UVRAG: variants seen among roughly 807,000 people sequenced by gnomAD.
UVRAG encodes the protein UV radiation resistance-associated gene protein.
In UVRAG, 19 loss-of-function variants were observed where a neutral mutation model predicts 78.0. The observed-to-expected ratio is 0.24, with a 90% CI of 0.17 to 0.36. The LOEUF (loss-of-function observed/expected upper bound fraction) is 0.36. Among genes scored for constraint, UVRAG ranks in the 10% least tolerant of loss-of-function variants. UVRAG has a pLI of 1.00. For missense variants in UVRAG, 740 were observed against 853.8 expected (o/e 0.87, Z 1.66); for synonymous variants, 323 against 324.6 (o/e 1.00, Z 0.05).
At chr11:76,023,582 A>G (rs1409055493) in intron 12 of UVRAG, among the ~76,000 whole-genome samples, 1 of 152,130 alleles carries the variant, frequency 6.6e-6, no homozygotes, top group Non-Finnish European at 1.5e-5. Context: ...GGTAGCCACC[A>G]GACAAGTTAG....
At chr11:75,857,188 A>T (rs1372800388) in intron 2 of UVRAG, among the ~76,000 whole-genome samples, 1 of 152,174 alleles carries the variant, frequency 6.6e-6, no homozygotes, top group Non-Finnish European at 1.5e-5. Flanking sequence ...TGAAAGTCAC[A>T]TCCCTTTATT....
chr11:76,122,572 T>G (rs1350343360), intron 14 of UVRAG, among the ~76,000 whole-genome samples: 1 of 152,236 alleles, frequency 6.6e-6, no homozygotes, highest in Non-Finnish European at 1.5e-5. Context: ...TGAATCGTAG[T>G]TACTGTCTAT....
At chr11:75,966,509 A>G (rs569002290) in intron 7 of UVRAG, among the ~76,000 whole-genome samples, 1 of 152,042 alleles carries the variant, frequency 6.6e-6, no homozygotes, top group Non-Finnish European at 1.5e-5. Context: ...CCTTTTATTC[A>G]CTATAAGAAT....
chr11:76,002,774 G>A (rs868069987), intron 8 of UVRAG, among the ~76,000 whole-genome samples: 1 of 152,054 alleles, frequency 6.6e-6, no homozygotes, highest in South Asian at 2.1e-4. Context: ...GAAGAGAAGG[G>A]TGCTTAAATA....
intron 12 of UVRAG, among the ~76,000 whole-genome samples, chr11:76,041,506 G>T (rs1015232049): frequency 6.6e-6 from 1 of 152,216 alleles, no homozygotes; most frequent in Non-Finnish European, 1.5e-5. Flanking sequence ...CAGAATGGAA[G>T]CACAGACACC....
intron 14 of UVRAG, among the ~76,000 whole-genome samples, chr11:76,131,619 G>A (rs1187902399): frequency 2.6e-5 from 4 of 152,166 alleles, no homozygotes; most frequent in African/African-American, 9.7e-5. Flanking sequence ...AAAGCCCCGG[G>A]GGAAAAGTGA....
At chr11:76,100,423 G>A (rs1951858769) in intron 13 of UVRAG, among the ~76,000 whole-genome samples, 1 of 152,084 alleles carries the variant, frequency 6.6e-6, no homozygotes, top group African/African-American at 2.4e-5. Flanking sequence ...TGAAATTCCA[G>A]AAACTCTCTC....
intron 14 of UVRAG, among the ~76,000 whole-genome samples, chr11:76,129,505 G>A (rs1479680608): frequency 6.6e-6 from 1 of 152,110 alleles, no homozygotes; most frequent in Non-Finnish European, 1.5e-5. Context: ...ATTGCCTCCT[G>A]TACATTTTCA....
Position 76,120,271 on chromosome 11 carries a change from T to C in UVRAG, c.1397+4256T>C, listed in dbSNP as rs141017662. On this transcript the variant is annotated intron_variant, in intron 14 of 14. Coordinates refer to ENST00000356136, the MANE Select transcript of UVRAG (RefSeq NM_003369.4). ...GAATACAAAATTACAAATACAAAAT[T>C]AGAGATGAAAAAGCATTTGGAATGA... 4.1e-3 allele frequency among the ~76,000 whole-genome samples: 629 copies of C among 152,260 alleles called. 6 individuals are homozygous for C. Among genetic ancestry groups the C allele is most frequent in the African/African-American group, 0.014 (576 of 41,556 alleles).
At chr11:76,062,593 AT>A (rs1285741190) in intron 12 of UVRAG, among the ~76,000 whole-genome samples, 1 of 152,092 alleles carries the variant, frequency 6.6e-6, no homozygotes, top group African/African-American at 2.4e-5. Context: ...TCCTTCAACA[AT>A]TTCTCTCAAT....
chr11:75,931,417 C>T (rs551942386), intron 6 of UVRAG, among the ~76,000 whole-genome samples: 41 of 152,220 alleles, frequency 2.7e-4, no homozygotes, highest in African/African-American at 9.4e-4. Flanking sequence ...AAAGAGACCC[C>T]AAGGTAGTCA....
At chr11:76,100,305 A>G (rs1951856233) in intron 13 of UVRAG, among the ~76,000 whole-genome samples, 2 of 152,146 alleles carry the variant, frequency 1.3e-5, no homozygotes, top group Admixed American at 1.3e-4. Context: ...TAATATGTTT[A>G]ATGTTCAAAA....
At chr11:75,995,668 CAT>C (rs1949693584) in intron 8 of UVRAG, among the ~76,000 whole-genome samples, 1 of 151,880 alleles carries the variant, frequency 6.6e-6, no homozygotes, top group African/African-American at 2.4e-5. Context: ...ATCAAAAGCT[CAT>C]AGGTTTCTAT....
chr11:75,934,351 A>C (rs1948316516), intron 6 of UVRAG, among the ~76,000 whole-genome samples: 1 of 152,164 alleles, frequency 6.6e-6, no homozygotes, highest in Non-Finnish European at 1.5e-5. Context: ...TGGGAAGGGT[A>C]GTAAAATAGG....
chr11:75,870,231 C>A (rs1156336393), intron 3 of UVRAG, among the ~76,000 whole-genome samples: 1 of 152,180 alleles, frequency 6.6e-6, no homozygotes, highest in African/African-American at 2.4e-5. Context: ...AAAGGAAAGT[C>A]TTTGTAATCA....
At chr11:75,822,854 C>A (rs888547533) in intron 1 of UVRAG, among the ~76,000 whole-genome samples, 9 of 151,998 alleles carry the variant, frequency 5.9e-5, no homozygotes, top group African/African-American at 2.2e-4. Context: ...TGTATGGAGG[C>A]TTCATCATGT....
Position 75,815,433 on chromosome 11 carries a change from GC to G in UVRAG, c.30del (p.Val11SerfsTer75). On this transcript the variant is annotated frameshift_variant, in exon 1 of 15. Coordinates refer to ENST00000356136, the MANE Select transcript of UVRAG (RefSeq NM_003369.4). LOFTEE classifies it high-confidence loss of function. ...ATGAGCGCCTCCGCGTCGGTCGGGG[GC>G]CCCGTCCCCCAGCCACCCCCGGGCC... MSASASVG[G>X]PVPQPPPGPA... The G allele has an allele frequency of 8.0e-7, 1 of 1,248,654 alleles. No homozygotes were observed. The highest frequency in any genetic ancestry group is 1.0e-6 in the Non-Finnish European group (1 of 995,818). 77.3% of individuals were successfully genotyped at this position (1,248,654 alleles called of 1,614,324 possible). A position where few individuals can be genotyped will look rare whatever the true frequency, so the allele number is the denominator to read the frequency against.
chr11:75,914,673 T>G (rs1463095406), intron 6 of UVRAG: 1 of 152,308 alleles, frequency 6.6e-6, no homozygotes, highest in Non-Finnish European at 1.5e-5. Context: ...TTTGTATTTT[T>G]AGTAGAGACG....
chr11:75,893,661 T>G (rs971681520), intron 5 of UVRAG, among the ~76,000 whole-genome samples: 1 of 111,314 alleles, frequency 9.0e-6, no homozygotes, highest in African/African-American at 3.6e-5. Flanking sequence ...AATGAAATAC[T>G]ATCTCTACCA....
Sources: gnomAD v4.1 joint callset for allele counts (sites outside exome capture counted in the v4.1 genomes callset) on GRCh38, gnomAD v4.1.1 for gene constraint, MANE v1.5 for transcripts, NCBI Gene and HGNC (gene_info 2026-07-23, HGNC 2026-07-21) for gene names.